OR8B3: variants seen among roughly 807,000 people sequenced by gnomAD.
OR8B3 encodes the protein olfactory receptor 8B3.
For missense variants in OR8B3, 278 were observed against 377.6 expected (o/e 0.74, Z 2.19); for synonymous variants, 102 against 135.4 (o/e 0.75, Z 1.71).
At position 124,396,222 on chromosome 11, in the gene OR8B3, T is replaced by C; in HGVS notation, c.*188A>G. 1 of 576,034 alleles carries C rather than the reference T, an allele frequency of 1.7e-6. No homozygotes were observed. The highest frequency in any genetic ancestry group is 2.9e-5 in the East Asian group (1 of 34,100). 35.7% of individuals were successfully genotyped at this position (576,034 alleles called of 1,614,324 possible). A position where few individuals can be genotyped will look rare whatever the true frequency, so the allele number is the denominator to read the frequency against. ...TACAAAGATGCCATGACCTATTTAG[T>C]AAAATTGTGAGAAGTGCCAGAGATG... On this transcript the variant is annotated 3_prime_UTR_variant, in exon 2 of 2. Transcript: ENST00000641139.
chr11:124,396,038 C>A lies in OR8B3; in HGVS notation c.*372G>T. ...AACAATGTTGATAAAAATAAGAATG[C>A]TTCTATCATATTTGGCACTTCTGAG... On this transcript the variant is annotated 3_prime_UTR_variant, in exon 2 of 2. Transcript: ENST00000641139. The A allele has an allele frequency of 5.9e-6, 1 of 168,082 alleles. No homozygotes were observed. The highest frequency in any genetic ancestry group is 1.3e-5 in the Non-Finnish European group (1 of 78,336). The allele number at this position is 168,082 out of a possible 1,614,324, so 10.4% of individuals were successfully genotyped here.
At chr11:124,409,534 G>T in the OR8B3 span, among the ~76,000 whole-genome samples, 1 of 152,208 alleles carries the variant, frequency 6.6e-6, no homozygotes, top group Non-Finnish European at 1.5e-5. Flanking sequence ...AGGCCAAAGG[G>T]CAAATCTGTA....
Position 124,396,654 on chromosome 11 carries a change from C to T in OR8B3, c.698G>A (p.Gly233Glu). 3 of 1,611,770 alleles carry T rather than the reference C, an allele frequency of 1.9e-6. No homozygotes were observed. Among genetic ancestry groups the T allele is most frequent in the Non-Finnish European group, 2.5e-6 (3 of 1,179,084 alleles). ...TSILHIKSTQ[G>E]RSKAFSTCSS... ...ACAAGTACTGAAGGCTTTTGATCTT[C>T]CTTGAGTGGATTTGATATGAAGAAT... The change falls in exon 2 of 2, where the codon GGA (glycine) becomes GAA (glutamate). Residue 233 changes from glycine (G) to glutamate (E), a missense_variant. Gly to Glu is a moderately conservative substitution (Grantham distance 98). Coordinates refer to ENST00000641139, the MANE Select transcript of OR8B3 (RefSeq NM_001005467.2).
the OR8B3 span, among the ~76,000 whole-genome samples, chr11:124,405,332 G>A: frequency 6.6e-6 from 1 of 152,088 alleles, no homozygotes; most frequent in Non-Finnish European, 1.5e-5. Flanking sequence ...GTTTTTGTAG[G>A]TCTCTAACCA....
At position 124,396,460 on chromosome 11, in the gene OR8B3, C is replaced by T; in HGVS notation, c.892G>A (p.Val298Ile). The T allele has an allele frequency of 6.2e-7, 1 of 1,613,584 alleles. No individual in the cohort carries two copies. The highest frequency in any genetic ancestry group is 8.5e-7 in the Non-Finnish European group (1 of 1,179,914). ...TTAATCAGAGCTTTCCTCAGTGCAACTTTGACATCCTTGTTCCTCAAACTG... is the reference window on the plus strand; with the variant it reads ...TTAATCAGAGCTTTCCTCAGTGCAATTTTGACATCCTTGTTCCTCAAACTG... ...IYSLRNKDVKVALRKALIKIQ... is the reference protein window; with the variant it reads ...IYSLRNKDVKIALRKALIKIQ... Residue 298 changes from valine to isoleucine, a missense_variant, in exon 2 of 2, where the codon GTT (valine) becomes ATT (isoleucine). Transcript: ENST00000641139.
upstream of OR8B3, among the ~76,000 whole-genome samples, chr11:124,401,310 G>C (rs1028046710): frequency 4.6e-5 from 7 of 150,868 alleles, no homozygotes; most frequent in Non-Finnish European, 7.4e-5. Context: ...ATTAATTCAC[G>C]AGGGGAGAAC....
chr11:124,403,737 G>C (rs571501256), upstream of OR8B3, among the ~76,000 whole-genome samples: 2 of 152,256 alleles, frequency 1.3e-5, no homozygotes, highest in Non-Finnish European at 2.9e-5. Flanking sequence ...CTGCAATCTC[G>C]GCACTTTGGG....
At chr11:124,399,750 T>C (rs1334292527), upstream of OR8B3, among the ~76,000 whole-genome samples, 1 of 152,286 alleles carries the variant, frequency 6.6e-6, no homozygotes, top group East Asian at 1.9e-4. Flanking sequence ...TTGACATAGG[T>C]TCAATAATGT....
the OR8B3 span, among the ~76,000 whole-genome samples, chr11:124,405,537 A>G: frequency 6.6e-6 from 1 of 152,084 alleles, no homozygotes; most frequent in Non-Finnish European, 1.5e-5. Context: ...CTTCTTTCCC[A>G]CTGTCTTGAA....
At chr11:124,401,230 G>GAGAGAGAGAGAGAGAGAC (rs1352675584), upstream of OR8B3, among the ~76,000 whole-genome samples, 2 of 151,812 alleles carry the variant, frequency 1.3e-5, no homozygotes, top group Admixed American at 1.3e-4. Flanking sequence ...GACAGAGAGA[G>GAGAGAGAGAGAGAGAGAC]AGAGAGAGAG....
At chr11:124,399,911 C>T (rs11219634), upstream of OR8B3, among the ~76,000 whole-genome samples, 2,534 of 148,704 alleles carry the variant, frequency 0.017, 83 homozygotes, top group African/African-American at 0.06. Context: ...GAGACTGTGT[C>T]CTGCTTTGCT....
Position 124,396,874 on chromosome 11 carries a change from T to C in OR8B3, c.478A>G (p.Thr160Ala). Residue 160 changes from threonine (T) to alanine (A), a missense_variant, in exon 2 of 2, where the codon ACC (threonine) becomes GCC (alanine). Coordinates refer to ENST00000641139, the MANE Select transcript of OR8B3 (RefSeq NM_001005467.2). Reference protein sequence around the residue: ...IMGLAGATAHTGCMLRLTFCS... With the variant: ...IMGLAGATAHAGCMLRLTFCS... The stretch of plus-strand genomic sequence containing the variant: ...AAGGTGAGTCTAAGCATGCACCCGG[T>C]GTGGGCCGTGGCTCCAGCCAATCCC... The C allele has an allele frequency of 6.2e-7, 1 of 1,607,214 alleles. No homozygotes were observed. Among genetic ancestry groups the C allele is most frequent in the South Asian group, 1.1e-5 (1 of 90,626 alleles).
chr11:124,405,949 G>A, the OR8B3 span, among the ~76,000 whole-genome samples: 1 of 152,214 alleles, frequency 6.6e-6, no homozygotes, highest in Non-Finnish European at 1.5e-5. Context: ...ATGCAGAAGA[G>A]TGAATGCTCC....
At chr11:124,404,101 TGGAAAGAGAGGGAGAGGGAGACC>T in the OR8B3 span, 3 of 151,634 alleles carry the variant, frequency 2.0e-5, no homozygotes, top group Non-Finnish European at 2.9e-5. Flanking sequence ...AGGGAGACCG[TGGAAAGAGAGGGAGAGGGAGACC>T]GTGGGGAGAG....
chr11:124,406,536 CCTT>C, the OR8B3 span, among the ~76,000 whole-genome samples: 4 of 152,048 alleles, frequency 2.6e-5, no homozygotes, highest in Non-Finnish European at 5.9e-5. Context: ...CAGAACCACT[CCTT>C]CTCCGTTCAT....
At chr11:124,403,847 C>G (rs1183573758), upstream of OR8B3, among the ~76,000 whole-genome samples, 3 of 152,238 alleles carry the variant, frequency 2.0e-5, no homozygotes, top group African/African-American at 7.2e-5. Flanking sequence ...GAGCGAGACT[C>G]CGTCTGCAAT....
chr11:124,400,913 A>G (rs1860984228), upstream of OR8B3, among the ~76,000 whole-genome samples: 1 of 152,072 alleles, frequency 6.6e-6, no homozygotes, highest in Admixed American at 6.5e-5. Context: ...CCAAAAATAT[A>G]TATATTCATA....
chr11:124,399,738 A>G (rs1436304367), upstream of OR8B3, among the ~76,000 whole-genome samples: 3 of 152,224 alleles, frequency 2.0e-5, no homozygotes, highest in East Asian at 5.8e-4. Context: ...AAAACCAGGA[A>G]ATTGACATAG....
chr11:124,396,233 G>A lies in OR8B3; in HGVS notation c.*177C>T, dbSNP rs574099938. On this transcript the variant is annotated 3_prime_UTR_variant, in exon 2 of 2. Transcript: ENST00000641139. ...CATGACCTATTTAGTAAAATTGTGA[G>A]AAGTGCCAGAGATGCAAAACCAAAA... 7.5e-5 allele frequency: 45 copies of A among 596,436 alleles called. No homozygotes were observed. The South Asian group carries it at 1.1e-3, about 15-fold the overall frequency. 36.9% of individuals were successfully genotyped at this position (596,436 alleles called of 1,614,324 possible). A position where few individuals can be genotyped will look rare whatever the true frequency, so the allele number is the denominator to read the frequency against.
Sources: allele counts gnomAD v4.1 joint callset (sites outside exome capture counted in the v4.1 genomes callset), GRCh38; gene constraint gnomAD v4.1.1; transcripts MANE v1.5; gene names NCBI Gene and HGNC (gene_info 2026-07-23, HGNC 2026-07-21).